Variants in ITGBL1 observed in about 807,000 individuals in gnomAD.
The protein encoded by ITGBL1 is integrin subunit beta like 1.
Under a neutral mutation model 68.5 loss-of-function variants are expected in ITGBL1, and 51 were observed. The observed-to-expected ratio is 0.74, with a 90% CI of 0.59 to 0.94. The LOEUF (loss-of-function observed/expected upper bound fraction) is 0.94. Among genes scored for constraint, ITGBL1 ranks in the 40% least tolerant of loss-of-function variants. ITGBL1 has a pLI of 0.00. For missense variants in ITGBL1, 649 were observed against 647.4 expected (o/e 1.00, Z -0.03); for synonymous variants, 209 against 227.3 (o/e 0.92, Z 0.72).
At chr13:101,521,193 C>T (rs1299949130) in intron 2 of ITGBL1, among the ~76,000 whole-genome samples, 1 of 152,140 alleles carries the variant, frequency 6.6e-6, no homozygotes, top group Non-Finnish European at 1.5e-5. Context: ...AAAGTTATTC[C>T]TCATCCTTTT....
intron 2 of ITGBL1, among the ~76,000 whole-genome samples, chr13:101,501,730 T>G (rs2048946129): frequency 6.6e-6 from 1 of 152,164 alleles, no homozygotes; most frequent in African/African-American, 2.4e-5. Context: ...GTCAGTTTTG[T>G]TCTATGGAAT....
chr13:101,513,323 G>A (rs1468169852), intron 2 of ITGBL1, among the ~76,000 whole-genome samples: 1 of 152,068 alleles, frequency 6.6e-6, no homozygotes, highest in Non-Finnish European at 1.5e-5. Flanking sequence ...ATATTGATGA[G>A]TCTGGGTAGG....
intron 2 of ITGBL1, among the ~76,000 whole-genome samples, chr13:101,484,067 TC>T (rs112346182): frequency 2.0e-4 from 31 of 151,758 alleles, no homozygotes; most frequent in Middle Eastern, 3.4e-3. Context: ...GGTTTTTTTT[TC>T]CCCTGCTTTT....
chr13:101,513,221 A>G (rs1216626610), intron 2 of ITGBL1, among the ~76,000 whole-genome samples: 1 of 152,026 alleles, frequency 6.6e-6, no homozygotes, highest in East Asian at 1.9e-4. Flanking sequence ...GTGAAGAGGG[A>G]TATTTAAAAA....
intron 2 of ITGBL1, among the ~76,000 whole-genome samples, chr13:101,474,839 A>G (rs1026365462): frequency 3.3e-5 from 5 of 152,204 alleles, no homozygotes; most frequent in Non-Finnish European, 7.3e-5. Context: ...TACCTTTACA[A>G]GTCTGTAAGA....
intron 8 of ITGBL1, among the ~76,000 whole-genome samples, chr13:101,698,204 G>A (rs2034046812): frequency 6.6e-6 from 1 of 152,314 alleles, no homozygotes; most frequent in Admixed American, 6.5e-5. Flanking sequence ...CATGTGGCCA[G>A]AGAGTAAAAT....
intron 2 of ITGBL1, among the ~76,000 whole-genome samples, chr13:101,482,623 T>A (rs2048641936): frequency 6.6e-6 from 1 of 152,180 alleles, no homozygotes; most frequent in South Asian, 2.1e-4. Flanking sequence ...AATAATTTCC[T>A]CATATACTTT....
At chr13:101,476,365 A>G (rs2048536949) in intron 2 of ITGBL1, among the ~76,000 whole-genome samples, 1 of 152,142 alleles carries the variant, frequency 6.6e-6, no homozygotes, top group African/African-American at 2.4e-5. Flanking sequence ...TGAAATTAAA[A>G]CATACCATCA....
At chr13:101,713,667 A>G (rs2034583683) in intron 9 of ITGBL1, 1 of 152,074 alleles carries the variant, frequency 6.6e-6, no homozygotes, top group Admixed American at 6.5e-5. Flanking sequence ...TCATCATCTC[A>G]TTTATTTTCT....
intron 7 of ITGBL1, 120 bp downstream of exon 7, chr13:101,598,419 T>G (rs2030125631): frequency 1.5e-6 from 1 of 681,010 alleles, no homozygotes; most frequent in Non-Finnish European, 2.2e-6. Context: ...GGTTTTTTTG[T>G]TTTTTATTTT....
intron 7 of ITGBL1, among the ~76,000 whole-genome samples, chr13:101,608,171 A>G (rs529293847): frequency 1.3e-5 from 2 of 152,186 alleles, no homozygotes; most frequent in Non-Finnish European, 2.9e-5. Flanking sequence ...ATCAATTAGC[A>G]TGCTTTAATT....
chr13:101,671,434 TTTGTTTTTTTTTG>T lies in ITGBL1; in HGVS notation c.1016-21148_1016-21136del, dbSNP rs1228533474. Among the ~76,000 whole-genome samples the T allele has an allele frequency of 1.2e-3, 84 of 72,724 alleles. 9 individuals carry two copies. The highest frequency in any genetic ancestry group is 2.6e-3 in the African/African-American group (54 of 20,940). 47.7% of individuals were successfully genotyped at this position (72,724 alleles called of 152,430 possible). On this transcript the variant is annotated intron_variant, in intron 7 of 10. Transcript: ENST00000376180. ...GACAAAAGTATACCTTTGTTTTTTTTTTGTTTTTTTTTGTTTTTTTTTGAGACGGAGTCTCGCT... is the reference window on the plus strand; with the variant it reads ...GACAAAAGTATACCTTTGTTTTTTTTTTTTTTTTTGAGACGGAGTCTCGCT...
chr13:101,716,708 C>G (rs2034736402), downstream of ITGBL1: 1 of 150,038 alleles, frequency 6.7e-6, no homozygotes. Context: ...ACCTTACTTA[C>G]TGGAAACCTG....
chr13:101,708,573 C>T (rs1049347026), intron 9 of ITGBL1, among the ~76,000 whole-genome samples: 6 of 152,158 alleles, frequency 3.9e-5, no homozygotes, highest in East Asian at 3.8e-4. Context: ...CAAGATGTGC[C>T]GTGTGTCCCC....
intron 7 of ITGBL1, among the ~76,000 whole-genome samples, chr13:101,674,503 T>G (rs1394496982): frequency 6.6e-6 from 1 of 152,176 alleles, no homozygotes; most frequent in African/African-American, 2.4e-5. Context: ...TGATATAAAT[T>G]TAGTTTAGAT....
intron 2 of ITGBL1, among the ~76,000 whole-genome samples, chr13:101,478,013 C>T (rs2048561747): frequency 2.0e-5 from 3 of 151,970 alleles, no homozygotes. Context: ...GATACCAAAA[C>T]CAGACAAAAA....
intron 7 of ITGBL1, among the ~76,000 whole-genome samples, chr13:101,606,190 A>ATG (rs1294535057): frequency 2.0e-5 from 3 of 146,392 alleles, no homozygotes; most frequent in South Asian, 2.1e-4. Flanking sequence ...ATATATATAT[A>ATG]TAGCCTTATA....
chr13:101,545,324 T>C (rs2049800452), intron 2 of ITGBL1, among the ~76,000 whole-genome samples: 1 of 152,098 alleles, frequency 6.6e-6, no homozygotes, highest in Non-Finnish European at 1.5e-5. Flanking sequence ...GAAGAATAGA[T>C]GCACACAGGC....
At chr13:101,545,098 G>C (rs890690598) in intron 2 of ITGBL1, among the ~76,000 whole-genome samples, 5 of 152,102 alleles carry the variant, frequency 3.3e-5, no homozygotes, top group Non-Finnish European at 5.9e-5. Context: ...AGATGAACCC[G>C]GTACCTCAGT....
Sources: gnomAD v4.1 joint callset for allele counts (sites outside exome capture counted in the v4.1 genomes callset) on GRCh38, gnomAD v4.1.1 for gene constraint, MANE v1.5 for transcripts, NCBI Gene and HGNC (gene_info 2026-07-23, HGNC 2026-07-21) for gene names.